The following BABAM2 variants were observed in gnomAD, a reference collection of about 807,000 sequenced individuals.
The protein encoded by BABAM2 is BRISC and BRCA1 A complex member 2.
A neutral mutation model predicts 54.7 loss-of-function variants in BABAM2; 31 were observed. That is an observed-to-expected ratio of 0.57 (90% CI 0.43 to 0.77). The LOEUF is 0.77. BABAM2 is among the 30% of genes least tolerant of loss of function. The pLI is 0.00. For missense variants in BABAM2, 364 were observed against 455.8 expected (o/e 0.80, Z 1.83); for synonymous variants, 167 against 162.9 (o/e 1.03, Z -0.19).
At chr2:28,144,239 A>G (rs754987060) in intron 7 of BABAM2, among the ~76,000 whole-genome samples, 1 of 152,202 alleles carries the variant, frequency 6.6e-6, no homozygotes, top group Non-Finnish European at 1.5e-5. Flanking sequence ...ATCATCATCA[A>G]CATCAACATC....
At chr2:27,986,228 C>T (rs891030158) in intron 3 of BABAM2, among the ~76,000 whole-genome samples, 6 of 152,088 alleles carry the variant, frequency 3.9e-5, no homozygotes, top group African/African-American at 1.4e-4. Flanking sequence ...CAAAATAGCA[C>T]ATTAAGAATA....
At chr2:28,137,266 T>C (rs1670633685) in intron 7 of BABAM2, among the ~76,000 whole-genome samples, 1 of 152,228 alleles carries the variant, frequency 6.6e-6, no homozygotes, top group South Asian at 2.1e-4. Context: ...GATAATCCTA[T>C]AATAAATATT....
chr2:27,889,880 T>G (rs572201525), upstream of BABAM2: 1 of 206,560 alleles, frequency 4.8e-6, no homozygotes, highest in Non-Finnish European at 9.7e-6. Flanking sequence ...CCCTGTGAGG[T>G]AGGCACATTC....
At chr2:28,248,603 CT>C (rs1265941743) in intron 10 of BABAM2, among the ~76,000 whole-genome samples, 1 of 152,068 alleles carries the variant, frequency 6.6e-6, no homozygotes. Context: ...AAGCTACATG[CT>C]TTTTTTGTGG....
chr2:27,947,526 T>G (rs1414676924), intron 3 of BABAM2, among the ~76,000 whole-genome samples: 4 of 152,182 alleles, frequency 2.6e-5, no homozygotes, highest in African/African-American at 9.7e-5. Context: ...AGCAAAATGT[T>G]CAAACCTTTT....
In BABAM2 at chr2:27,930,253, G is replaced by T. The variant is rs910657927; in HGVS notation, c.205+345G>T. The T allele has an allele frequency of 2.0e-5, 4 of 198,684 alleles. No homozygotes were observed. In the South Asian group the frequency reaches 3.3e-4, roughly 16 times the overall value. The allele number at this position is 198,684 out of a possible 1,614,324, so 12.3% of individuals were successfully genotyped here. A position where few individuals can be genotyped will look rare whatever the true frequency, so the allele number is the denominator to read the frequency against. On this transcript the variant is annotated intron_variant, in intron 3 of 11. Transcript: ENST00000379624. Reference sequence around the variant, plus strand: ...CCATTTCGAAACAGTTTTTAGGTAGGAGTGGCTGCTGTCCATCACTGCTGC... The same window carrying T: ...CCATTTCGAAACAGTTTTTAGGTAGTAGTGGCTGCTGTCCATCACTGCTGC...
At chr2:28,250,198 G>A (rs1261502475) in intron 10 of BABAM2, among the ~76,000 whole-genome samples, 3 of 152,044 alleles carry the variant, frequency 2.0e-5, no homozygotes, top group Non-Finnish European at 4.4e-5. Flanking sequence ...GACAGCCAAG[G>A]AAGGCAATTC....
At chr2:28,155,698 A>G (rs917786730) in intron 7 of BABAM2, among the ~76,000 whole-genome samples, 2 of 152,206 alleles carry the variant, frequency 1.3e-5, no homozygotes, top group Non-Finnish European at 1.5e-5. Context: ...ATAATGAGCT[A>G]TAAAGAGAAA....
intron 7 of BABAM2, among the ~76,000 whole-genome samples, chr2:28,160,328 C>T (rs1672946115): frequency 6.6e-6 from 1 of 152,172 alleles, no homozygotes; most frequent in African/African-American, 2.4e-5. Flanking sequence ...GTGCATGGAG[C>T]TTAGTGTATG....
At chr2:28,071,864 C>T (rs1664172620) in intron 6 of BABAM2, among the ~76,000 whole-genome samples, 1 of 152,292 alleles carries the variant, frequency 6.6e-6, no homozygotes, top group South Asian at 2.1e-4. Context: ...GAAATTCATT[C>T]TCATCTTTGG....
chr2:28,265,062 T>G (rs1238571930), intron 10 of BABAM2, among the ~76,000 whole-genome samples: 1 of 152,020 alleles, frequency 6.6e-6, no homozygotes, highest in Non-Finnish European at 1.5e-5. Flanking sequence ...AGGGAAGGAG[T>G]GGGAGTAAGG....
chr2:28,140,113 A>G (rs898709380), intron 7 of BABAM2, among the ~76,000 whole-genome samples: 4 of 151,758 alleles, frequency 2.6e-5, no homozygotes, highest in Admixed American at 2.6e-4. Flanking sequence ...TTTTTTTTCT[A>G]CCTATATCTC....
chr2:28,223,553 T>G (rs1376724751), intron 7 of BABAM2, among the ~76,000 whole-genome samples: 1 of 152,222 alleles, frequency 6.6e-6, no homozygotes, highest in Admixed American at 6.5e-5. Flanking sequence ...GATCGTACTC[T>G]CTGCTTATTG....
intron 4 of BABAM2, among the ~76,000 whole-genome samples, chr2:27,993,014 G>C (rs1672889136): frequency 6.6e-6 from 1 of 152,130 alleles, no homozygotes; most frequent in Non-Finnish European, 1.5e-5. Flanking sequence ...CATCTTTGTT[G>C]TGGTCTGTTT....
chr2:28,254,758 G>A (rs1331951051), intron 10 of BABAM2, among the ~76,000 whole-genome samples: 2 of 144,576 alleles, frequency 1.4e-5, no homozygotes, highest in African/African-American at 2.6e-5. Flanking sequence ...TTGAGACAGG[G>A]TCTTGCTCTG....
At chr2:27,894,469 AG>A in intron 1 of BABAM2, 63 bp from the exon 2 acceptor site, 1 of 1,484,936 alleles carries the variant, frequency 6.7e-7, no homozygotes, top group African/African-American at 1.4e-5. Flanking sequence ...TCCAGTTTTC[AG>A]GCAGAGTGTT....
At chr2:27,918,953 G>A (rs1213729387) in intron 2 of BABAM2, among the ~76,000 whole-genome samples, 3 of 152,150 alleles carry the variant, frequency 2.0e-5, no homozygotes, top group African/African-American at 4.8e-5. Context: ...GCCTTCTAAC[G>A]TGCTAAGATT....
intron 11 of BABAM2, among the ~76,000 whole-genome samples, chr2:28,302,389 C>A (rs1347089174): frequency 1.3e-5 from 2 of 149,974 alleles, no homozygotes; most frequent in African/African-American, 4.9e-5. Context: ...TGCACTCCAG[C>A]CTGGGTGACA....
chr2:27,954,888 T>A (rs1410050615), intron 3 of BABAM2, among the ~76,000 whole-genome samples: 1 of 152,150 alleles, frequency 6.6e-6, no homozygotes, highest in African/African-American at 2.4e-5. Context: ...TGTGAATCAT[T>A]TATGGCATTC....
Sources: allele counts gnomAD v4.1 joint callset (sites outside exome capture counted in the v4.1 genomes callset), GRCh38; gene constraint gnomAD v4.1.1; transcripts MANE v1.5; gene names NCBI Gene and HGNC (gene_info 2026-07-23, HGNC 2026-07-21).